LHFPL2: variants seen among roughly 807,000 people sequenced by gnomAD.
LHFPL2 encodes LHFPL tetraspan subfamily member 2, also known as LHFPL tetraspan subfamily member 2 protein.
In LHFPL2, 7 loss-of-function variants were observed where a neutral mutation model predicts 17.5. That is an observed-to-expected ratio of 0.40 (90% CI 0.23 to 0.75). The LOEUF (loss-of-function observed/expected upper bound fraction) is 0.75. LHFPL2 is among the 30% of genes least tolerant of loss of function. LHFPL2 has a pLI of 0.37. For missense variants in LHFPL2, 241 were observed against 294.8 expected (o/e 0.82, Z 1.34); for synonymous variants, 134 against 116.2 (o/e 1.15, Z -0.99).
At chr5:78,644,497 G>T in intron 1 of LHFPL2, 1 of 602,798 alleles carries the variant, frequency 1.7e-6, no homozygotes, top group Non-Finnish European at 3.0e-6. Flanking sequence ...TGGTAGGCCG[G>T]GATGTTCTGC....
At chr5:78,579,408 T>A (rs1742996261) in intron 2 of LHFPL2, among the ~76,000 whole-genome samples, 1 of 152,092 alleles carries the variant, frequency 6.6e-6, no homozygotes, top group East Asian at 1.9e-4. Flanking sequence ...TAGTTACATA[T>A]GTATACATGT....
At position 78,488,480 on chromosome 5, in the gene LHFPL2, C is replaced by G; in HGVS notation, c.*417G>C. ...GAAAGAACAGAGGAAAACAAGAACT[C>G]CAACCCAAAACCCCATTCTGAGGCA... On this transcript the variant is annotated 3_prime_UTR_variant, in exon 5 of 5. Transcript: ENST00000380345. 4.6e-6 allele frequency: 1 copy of G among 216,358 alleles called. No homozygotes were observed. Among genetic ancestry groups the G allele is most frequent in the Non-Finnish European group, 9.4e-6 (1 of 105,908 alleles). The allele number at this position is 216,358 out of a possible 1,614,324, so 13.4% of individuals were successfully genotyped here.
intron 2 of LHFPL2, among the ~76,000 whole-genome samples, chr5:78,574,923 G>T (rs1198076726): frequency 2.0e-5 from 3 of 152,200 alleles, no homozygotes; most frequent in Non-Finnish European, 4.4e-5. Context: ...GTGTGACTCA[G>T]AACTGCTGGC....
chr5:78,563,485 C>T (rs1420380839), intron 3 of LHFPL2, among the ~76,000 whole-genome samples: 1 of 151,988 alleles, frequency 6.6e-6, no homozygotes, highest in Non-Finnish European at 1.5e-5. Flanking sequence ...CACTTGAGGT[C>T]AGGAGTTCAA....
intron 2 of LHFPL2, among the ~76,000 whole-genome samples, chr5:78,610,269 G>A (rs1326094084): frequency 6.6e-6 from 1 of 152,174 alleles, no homozygotes; most frequent in East Asian, 1.9e-4. Flanking sequence ...TTCAGGAACC[G>A]CCAGCTGGAC....
rs573091607 is a variant in LHFPL2 at position 78,577,455 on chromosome 5, AT to A, written c.-244-12585del. 1.7e-3 allele frequency among the ~76,000 whole-genome samples: 264 copies of A among 152,052 alleles called. 1 individual carries two copies. Among genetic ancestry groups the A allele is most frequent in the Middle Eastern group, 3.4e-3 (1 of 294 alleles). On this transcript the variant is annotated intron_variant, in intron 2 of 4. Transcript: ENST00000380345. ...GTCAAAGGGGGCTGTTTCTCTCAAC[AT>A]TTTTTTTAAGTTAAATAAGAGCTCA...
chr5:78,544,778 C>T (rs1000769981), intron 3 of LHFPL2, among the ~76,000 whole-genome samples: 1 of 150,458 alleles, frequency 6.6e-6, no homozygotes, highest in African/African-American at 2.5e-5. Flanking sequence ...CACGTATACA[C>T]ACACACACCC....
At chr5:78,632,888 A>T (rs1262638052) in intron 1 of LHFPL2, among the ~76,000 whole-genome samples, 2 of 152,166 alleles carry the variant, frequency 1.3e-5, no homozygotes, top group African/African-American at 4.8e-5. Context: ...TAAAATGAGG[A>T]GGTGGCCAAA....
Position 78,510,074 on chromosome 5 carries a change from G to T in LHFPL2, c.140C>A (p.Ala47Glu). ...KARSRGGVEPAGPGGGSPEPY... is the reference protein window; with the variant it reads ...KARSRGGVEPEGPGGGSPEPY... ...CTCCGGGGAGCCCCCGCCCGGGCCCGCCGGCTCCACGCCGCCGCGGCTCCT... is the reference window on the plus strand; with the variant it reads ...CTCCGGGGAGCCCCCGCCCGGGCCCTCCGGCTCCACGCCGCCGCGGCTCCT... Residue 47 changes from alanine (A) to glutamate (E), a missense_variant, in exon 4 of 5, where the codon GCG becomes GAG. By Grantham distance (107) the Ala-to-Glu change is moderately radical. Transcript: ENST00000380345. 1.2e-6 allele frequency: 2 copies of T among 1,612,080 alleles called. No individual in the cohort carries two copies. Among genetic ancestry groups the T allele is most frequent in the Non-Finnish European group, 1.7e-6 (2 of 1,179,104 alleles).
At chr5:78,539,568 T>C (rs1396478892) in intron 3 of LHFPL2, among the ~76,000 whole-genome samples, 2 of 152,158 alleles carry the variant, frequency 1.3e-5, no homozygotes, top group African/African-American at 4.8e-5. Flanking sequence ...AACAGGTGTT[T>C]GTTAACTGAC....
intron 3 of LHFPL2, among the ~76,000 whole-genome samples, chr5:78,553,802 T>G (rs1052085890): frequency 2.0e-5 from 3 of 152,152 alleles, no homozygotes; most frequent in Non-Finnish European, 2.9e-5. Context: ...ATGGAAAAAA[T>G]ACCGTAATTT....
intron 1 of LHFPL2, among the ~76,000 whole-genome samples, chr5:78,639,327 T>G (rs1455808317): frequency 6.6e-6 from 1 of 152,134 alleles, no homozygotes; most frequent in East Asian, 1.9e-4. Flanking sequence ...AAGCACAAGC[T>G]GGGAAAAACA....
At chr5:78,579,201 T>TTA (rs768389806) in intron 2 of LHFPL2, among the ~76,000 whole-genome samples, 17 of 152,148 alleles carry the variant, frequency 1.1e-4, no homozygotes, top group Non-Finnish European at 1.8e-4. Context: ...TTTGCTATTG[T>TTA]TAAAGTCTGG....
chr5:78,588,458 T>TA (rs1743513806), intron 2 of LHFPL2, among the ~76,000 whole-genome samples: 1 of 152,250 alleles, frequency 6.6e-6, no homozygotes, highest in African/African-American at 2.4e-5. Context: ...CAAGGCCACA[T>TA]ATTGATTTAG....
chr5:78,634,555 C>T lies in LHFPL2; in HGVS notation c.-349-2187G>A, dbSNP rs530575467. On this transcript the variant is annotated intron_variant, in intron 1 of 4. Transcript: ENST00000380345. ...ACACACCGCCACACCTGCTAGCCCT[C>T]AACGATCATGGCTCTTCCACCTGTC... Among the ~76,000 whole-genome samples, 6 of 152,354 alleles carry T rather than the reference C, an allele frequency of 3.9e-5. No individual in the cohort carries two copies. In the South Asian group the frequency reaches 1.2e-3, roughly 32 times the overall value.
chr5:78,554,221 C>T (rs1031466919), intron 3 of LHFPL2, among the ~76,000 whole-genome samples: 2 of 152,276 alleles, frequency 1.3e-5, no homozygotes, highest in Non-Finnish European at 2.9e-5. Context: ...CTCAAGCCCC[C>T]GTTCCTGCAC....
chr5:78,600,486 T>C (rs1580847159), intron 2 of LHFPL2, among the ~76,000 whole-genome samples: 1 of 152,256 alleles, frequency 6.6e-6, no homozygotes, highest in Non-Finnish European at 1.5e-5. Flanking sequence ...CCCAGCACTT[T>C]GGGAGGCTGA....
rs139960392 is a variant in LHFPL2 at position 78,548,020 on chromosome 5, C to T, written c.-186+16793G>A. On this transcript the variant is annotated intron_variant, in intron 3 of 4. Coordinates refer to ENST00000380345, the MANE Select transcript of LHFPL2 (RefSeq NM_005779.3). Reference sequence around the variant, plus strand: ...TTCGGAAACAGATTTACAAAGCACTCGGGAGGATCCCGAGGGAATGATCAG... The same window carrying T: ...TTCGGAAACAGATTTACAAAGCACTTGGGAGGATCCCGAGGGAATGATCAG... 2.5e-3 allele frequency among the ~76,000 whole-genome samples: 374 copies of T among 152,354 alleles called. 1 individual carries two copies. Among genetic ancestry groups the T allele is most frequent in the African/African-American group, 8.7e-3 (360 of 41,584 alleles).
intron 3 of LHFPL2, among the ~76,000 whole-genome samples, chr5:78,527,917 A>AG (rs1220825843): frequency 6.6e-6 from 1 of 152,180 alleles, no homozygotes; most frequent in Admixed American, 6.5e-5. Flanking sequence ...TAAGCGATTA[A>AG]GAGTAACATC....
Sources: gnomAD v4.1 joint callset for allele counts (sites outside exome capture counted in the v4.1 genomes callset) on GRCh38, gnomAD v4.1.1 for gene constraint, MANE v1.5 for transcripts, NCBI Gene and HGNC (gene_info 2026-07-23, HGNC 2026-07-21) for gene names.